Variants in ROCK1 observed in about 807,000 individuals in gnomAD.
ROCK1 encodes Rho associated coiled-coil containing protein kinase 1, also known as rho-associated protein kinase 1.
ROCK1 carries 36 observed loss-of-function variants against 196.8 expected under a neutral mutation model. The ratio of observed to expected loss-of-function variants is 0.18; its 90% confidence interval spans 0.14 to 0.24. The LOEUF is 0.24. Among genes scored for constraint, ROCK1 ranks in the 10% least tolerant of loss-of-function variants. The pLI is 1.00. For synonymous variants in ROCK1, 443 were observed against 515.9 expected (o/e 0.86, Z 1.91); for missense variants, 920 against 1,562.0 (o/e 0.59, Z 6.93).
At chr18:21,080,817 G>A (rs73963104) in intron 1 of ROCK1, among the ~76,000 whole-genome samples, 1,681 of 152,102 alleles carry the variant, frequency 0.011, 33 homozygotes, top group African/African-American at 0.037. Flanking sequence ...ATTTATATGC[G>A]TCAAATATGT....
intron 31 of ROCK1, among the ~76,000 whole-genome samples, 153 bp from the exon 32 acceptor site, chr18:20,953,938 A>G (rs1294329709): frequency 3.3e-5 from 5 of 151,854 alleles, no homozygotes; most frequent in African/African-American, 9.7e-5. Context: ...CTTAAGTTAA[A>G]TAAGGCTGAA....
Position 20,947,998 on chromosome 18 carries a change from T to A in ROCK1, c.*3386A>T, listed in dbSNP as rs2035145844. On this transcript the variant is annotated 3_prime_UTR_variant, in exon 33 of 33. Transcript: ENST00000399799. ...GGTGGTGGGCACCTGTAATCCCAGC[T>A]ACTCGGGAGTCTGAGGCAGGAGGAT... 1 of 152,048 alleles carries A rather than the reference T, an allele frequency of 6.6e-6. No homozygotes were observed. Among genetic ancestry groups the A allele is most frequent in the Admixed American group, 6.6e-5 (1 of 15,248 alleles). The allele number at this position is 152,048 out of a possible 1,614,324, so 9.4% of individuals were successfully genotyped here.
chr18:21,057,638 A>G (rs1341600184), intron 2 of ROCK1, among the ~76,000 whole-genome samples: 3 of 152,130 alleles, frequency 2.0e-5, no homozygotes, highest in Admixed American at 6.5e-5. Context: ...CCTGGCCAAC[A>G]TGGCAAAACC....
intron 32 of ROCK1, chr18:20,953,296 A>G: frequency 3.7e-6 from 1 of 267,980 alleles, no homozygotes; most frequent in Non-Finnish European, 6.9e-6. Context: ...CATTAAAAAA[A>G]TTAAGTTGGT....
Position 21,078,617 on chromosome 18 carries a change from A to T in ROCK1, c.94-8004T>A, listed in dbSNP as rs145265584. ...GTTCTGAACCCAGAACAAAAGACCAAAGCAGGTCTGTCTCCAGTAGTCTCC... is the reference window on the plus strand; with the variant it reads ...GTTCTGAACCCAGAACAAAAGACCATAGCAGGTCTGTCTCCAGTAGTCTCC... On this transcript the variant is annotated intron_variant, in intron 1 of 32. Coordinates refer to ENST00000399799, the MANE Select transcript of ROCK1 (RefSeq NM_005406.3). Among the ~76,000 whole-genome samples, 498 of 152,184 alleles carry T rather than the reference A, an allele frequency of 3.3e-3. 1 individual carries two copies. Among genetic ancestry groups the T allele is most frequent in the African/African-American group, 0.012 (485 of 41,526 alleles).
intron 5 of ROCK1, among the ~76,000 whole-genome samples, 154 bp from the exon 6 acceptor site, chr18:21,044,340 T>A (rs1205213078): frequency 1.3e-5 from 2 of 152,200 alleles, no homozygotes; most frequent in Admixed American, 6.5e-5. Flanking sequence ...AAATTAAATT[T>A]CATCAAAGAA....
chr18:21,097,121 C>T (rs2036619409), intron 1 of ROCK1, among the ~76,000 whole-genome samples: 2 of 152,164 alleles, frequency 1.3e-5, no homozygotes, highest in South Asian at 4.1e-4. Context: ...TCCAGTAGAG[C>T]GCAGTCTATT....
At chr18:21,022,656 A>G (rs1319962386) in intron 11 of ROCK1, among the ~76,000 whole-genome samples, 2 of 152,150 alleles carry the variant, frequency 1.3e-5, no homozygotes, top group Non-Finnish European at 2.9e-5. Flanking sequence ...TTCCTCTTCT[A>G]TGATGTCAGG....
At chr18:21,083,463 A>G (rs1204723474) in intron 1 of ROCK1, among the ~76,000 whole-genome samples, 5 of 152,232 alleles carry the variant, frequency 3.3e-5, no homozygotes, top group Admixed American at 6.5e-5. Flanking sequence ...TACTGCTGGC[A>G]TAAGGACAAG....
chr18:21,107,756 A>G (rs916157539), intron 1 of ROCK1, among the ~76,000 whole-genome samples: 10 of 152,192 alleles, frequency 6.6e-5, no homozygotes, highest in African/African-American at 2.2e-4. Flanking sequence ...TTGTCTCTAA[A>G]GGAAATTCAG....
In ROCK1 at chr18:20,947,062, CAAAT is replaced by C. The variant is rs1307206680; in HGVS notation, c.*4318_*4321del. On this transcript the variant is annotated 3_prime_UTR_variant, in exon 33 of 33. Coordinates refer to ENST00000399799, the MANE Select transcript of ROCK1 (RefSeq NM_005406.3). ...TTTTTCCCTTGAATCTCCAACATCT[CAAAT>C]ACTTTATGGGAAACAGTATAGCTTG... 2 of 152,298 alleles carry C rather than the reference CAAAT, an allele frequency of 1.3e-5. No individual in the cohort carries two copies. The highest frequency in any genetic ancestry group is 1.3e-4 in the Admixed American group (2 of 15,298). 9.4% of individuals were successfully genotyped at this position (152,298 alleles called of 1,614,324 possible). A position where few individuals can be genotyped will look rare whatever the true frequency, so the allele number is the denominator to read the frequency against.
intron 2 of ROCK1, among the ~76,000 whole-genome samples, chr18:21,052,617 T>C (rs2036213056): frequency 6.6e-6 from 1 of 152,102 alleles, no homozygotes; most frequent in African/African-American, 2.4e-5. Context: ...AGGCAAGCAT[T>C]ACCATCTGAG....
intron 22 of ROCK1, among the ~76,000 whole-genome samples, chr18:20,978,370 T>C (rs1018172606): frequency 2.6e-5 from 4 of 152,126 alleles, no homozygotes; most frequent in Non-Finnish European, 4.4e-5. Flanking sequence ...AAAAATCAGA[T>C]TTGAATCTGA....
Position 21,033,409 on chromosome 18 carries a change from CT to C in ROCK1, c.1052-4475del, listed in dbSNP as rs574447243. On this transcript the variant is annotated intron_variant, in intron 9 of 32. Transcript: ENST00000399799. The stretch of plus-strand genomic sequence containing the variant: ...GCGGTGAAAGACTAAAAGCTTCCCC[CT>C]ATGACCAGGAACAGACAAGGTGCCC... 2.1e-3 allele frequency among the ~76,000 whole-genome samples: 314 copies of C among 152,188 alleles called. 2 individuals carry two copies. Among genetic ancestry groups the C allele is most frequent in the African/African-American group, 7.3e-3 (305 of 41,514 alleles).
At chr18:21,062,027 T>C (rs2036296038) in intron 2 of ROCK1, among the ~76,000 whole-genome samples, 1 of 152,196 alleles carries the variant, frequency 6.6e-6, no homozygotes, top group African/African-American at 2.4e-5. Flanking sequence ...TATAGAATTA[T>C]AGTTATGTGT....
intron 27 of ROCK1, among the ~76,000 whole-genome samples, chr18:20,965,492 T>C (rs538996168): frequency 5.1e-4 from 78 of 152,188 alleles, no homozygotes; most frequent in African/African-American, 1.8e-3. Flanking sequence ...AGAGTAAGAA[T>C]CCCTATACTA....
intron 20 of ROCK1, among the ~76,000 whole-genome samples, 169 bp from the exon 21 acceptor site, chr18:20,983,001 C>T (rs2035546954): frequency 6.6e-6 from 1 of 151,968 alleles, no homozygotes; most frequent in Admixed American, 6.6e-5. Flanking sequence ...GGTCAGGCCA[C>T]ACCGGTTCTA....
chr18:21,090,741 T>G (rs1471292437), intron 1 of ROCK1, among the ~76,000 whole-genome samples: 1 of 152,128 alleles, frequency 6.6e-6, no homozygotes, highest in East Asian at 1.9e-4. Flanking sequence ...CAACAACAAA[T>G]AAATGTTTAT....
intron 1 of ROCK1, among the ~76,000 whole-genome samples, chr18:21,093,970 AAT>A (rs1458125825): frequency 1.3e-5 from 2 of 151,756 alleles, no homozygotes; most frequent in African/African-American, 4.8e-5. Flanking sequence ...AAAAAAAAAA[AAT>A]TAGTCAAGGA....
Sources: allele counts gnomAD v4.1 joint callset (sites outside exome capture counted in the v4.1 genomes callset), GRCh38; gene constraint gnomAD v4.1.1; transcripts MANE v1.5; gene names NCBI Gene and HGNC (gene_info 2026-07-23, HGNC 2026-07-21).